The following TMEM132C variants were observed in gnomAD, a reference collection of about 807,000 sequenced individuals.
TMEM132C encodes transmembrane protein 132C, also known as protein phosphatase 1, regulatory subunit 152.
Under a neutral mutation model 61.4 loss-of-function variants are expected in TMEM132C, and 29 were observed. The ratio of observed to expected loss-of-function variants is 0.47; its 90% CI spans 0.35 to 0.64. TMEM132C has a LOEUF of 0.64. Among genes scored for constraint, TMEM132C ranks in the 30% least tolerant of loss-of-function variants. The pLI is 0.00. For synonymous variants in TMEM132C, 656 were observed against 633.1 expected, an observed-to-expected ratio of 1.04 and a Z score of -0.54; for missense variants, 1,408 against 1,476.9, an observed-to-expected ratio of 0.95 and a Z score of 0.76.
chr12:128,697,316 C>T lies in TMEM132C; in HGVS notation c.2022C>T (p.Leu674=), dbSNP rs138689235. Residue 674 remains leucine (L), a synonymous_variant, in exon 8 of 9, where the codon CTC becomes CTT. Transcript: ENST00000435159. ...CGGTGACAGACTTGGCCATCCAGCTCGTGGCTGGGCTGTCTGTCGCCCTTT... is the reference window on the plus strand; with the variant it reads ...CGGTGACAGACTTGGCCATCCAGCTTGTGGCTGGGCTGTCTGTCGCCCTTT... ...KVSVTDLAIQ[L]VAGLSVALYP... The T allele has an allele frequency of 1.8e-5, 28 of 1,551,192 alleles. No individual in the cohort carries two copies. The highest frequency in any genetic ancestry group is 1.8e-4 in the African/African-American group (13 of 73,148).
intron 2 of TMEM132C, among the ~76,000 whole-genome samples, chr12:128,517,782 T>C (rs1214928603): frequency 2.0e-5 from 3 of 152,166 alleles, no homozygotes; most frequent in African/African-American, 7.2e-5. Context: ...GTGAAGGTAG[T>C]TTTATGGAAA....
intron 2 of TMEM132C, among the ~76,000 whole-genome samples, chr12:128,422,645 G>A (rs568410744): frequency 8.5e-5 from 13 of 152,252 alleles, no homozygotes; most frequent in Admixed American, 2.0e-4. Context: ...ATGTCTCAAC[G>A]CAGTGAAGAG....
intron 1 of TMEM132C, among the ~76,000 whole-genome samples, chr12:128,378,933 C>G (rs552200515): frequency 6.8e-4 from 103 of 152,218 alleles, no homozygotes; most frequent in Non-Finnish European, 1.2e-3. Flanking sequence ...GGAGCTTTTC[C>G]CCCTTTTGCT....
In TMEM132C at chr12:128,626,645, G is replaced by A. The variant is rs925401020; in HGVS notation, c.1305+10310G>A. Among the ~76,000 whole-genome samples, 42 of 151,326 alleles carry A rather than the reference G, an allele frequency of 2.8e-4. No individual in the cohort carries two copies. In the South Asian group the frequency reaches 4.4e-3, roughly 16 times the overall value. Reference sequence around the variant, plus strand: ...TTTTTAACAGAGACAAGGTTTCACCGTGTTGGCCAGGCTGGTCTCAGATTC... The same window carrying A: ...TTTTTAACAGAGACAAGGTTTCACCATGTTGGCCAGGCTGGTCTCAGATTC... On this transcript the variant is annotated intron_variant, in intron 4 of 8. Coordinates refer to ENST00000435159, the MANE Select transcript of TMEM132C (RefSeq NM_001136103.3).
At chr12:128,400,976 A>C (rs1875140142) in intron 1 of TMEM132C, among the ~76,000 whole-genome samples, 2 of 152,130 alleles carry the variant, frequency 1.3e-5, no homozygotes, top group South Asian at 4.2e-4. Context: ...CTTGGGAGCA[A>C]AACTGCCTCT....
intron 2 of TMEM132C, among the ~76,000 whole-genome samples, chr12:128,542,999 A>C (rs1873814532): frequency 6.6e-6 from 1 of 152,014 alleles, no homozygotes; most frequent in South Asian, 2.1e-4. Flanking sequence ...AAACGGTATG[A>C]GTAGATGTGT....
chr12:128,491,392 C>G (rs1871713920), intron 2 of TMEM132C, among the ~76,000 whole-genome samples: 1 of 152,180 alleles, frequency 6.6e-6, no homozygotes, highest in African/African-American at 2.4e-5. Context: ...CTGCCTTGGT[C>G]AGCACGGAGC....
chr12:128,339,838 G>A (rs1366326861), intron 1 of TMEM132C, among the ~76,000 whole-genome samples: 1 of 152,102 alleles, frequency 6.6e-6, no homozygotes, highest in Non-Finnish European at 1.5e-5. Context: ...CCACACCTCC[G>A]GGATATCAAC....
chr12:128,472,364 G>C (rs938294134), intron 2 of TMEM132C, among the ~76,000 whole-genome samples: 4 of 152,176 alleles, frequency 2.6e-5, no homozygotes, highest in African/African-American at 9.6e-5. Flanking sequence ...TAGCAGTTCT[G>C]GGTCAGAGAC....
rs1417548606 is a variant in TMEM132C, at chr12:128,415,287, GGAA to G, written c.646_648del (p.Lys216del). The G allele has an allele frequency of 6.9e-6, 11 of 1,598,044 alleles. No individual in the cohort carries two copies. Among genetic ancestry groups the G allele is most frequent in the Non-Finnish European group, 7.7e-6 (9 of 1,172,258 alleles). ...AGTGCCCCGACGGTGGGTGCCGGGA[GGAA>G]GAAGTCCATGGACCAGCCGGAGGGG... On this transcript the variant is annotated inframe_deletion, in exon 2 of 9. Transcript: ENST00000435159. This position sits in a 1 kb window ranked among gnomAD's most constrained non-coding sequence, Gnocchi z 5.8.
chr12:128,373,879 C>A (rs981696550), intron 1 of TMEM132C, among the ~76,000 whole-genome samples: 5 of 152,166 alleles, frequency 3.3e-5, no homozygotes, highest in African/African-American at 1.2e-4. Flanking sequence ...GATGGCCTTG[C>A]GTGCTGCACT....
intron 2 of TMEM132C, among the ~76,000 whole-genome samples, chr12:128,459,229 A>T (rs1255019370): frequency 6.6e-6 from 1 of 152,186 alleles, no homozygotes; most frequent in African/African-American, 2.4e-5. Flanking sequence ...GAATGTAGCC[A>T]TTGAGAGCCC....
intron 4 of TMEM132C, among the ~76,000 whole-genome samples, chr12:128,663,899 T>C (rs62635314): frequency 0.57 from 70,102 of 121,962 alleles, 17,093 homozygotes; most frequent in East Asian, 0.65. Context: ...AGCACCCACA[T>C]GCACGCACAC....
chr12:128,551,826 G>A (rs1442559496), intron 3 of TMEM132C, among the ~76,000 whole-genome samples: 1 of 152,212 alleles, frequency 6.6e-6, no homozygotes, highest in Non-Finnish European at 1.5e-5. Context: ...GGGGAGCAGT[G>A]AAGCGAGCAG....
At position 128,494,199 on chromosome 12, in the gene TMEM132C, C is replaced by T. The variant is rs1593073620; in HGVS notation, c.975-49758C>T. 2.0e-5 allele frequency among the ~76,000 whole-genome samples: 3 copies of T among 152,254 alleles called. No homozygotes were observed. In the South Asian group the frequency reaches 6.2e-4, roughly 32 times the overall value. On this transcript the variant is annotated intron_variant, in intron 2 of 8. Coordinates refer to ENST00000435159, the MANE Select transcript of TMEM132C (RefSeq NM_001136103.3). Reference sequence around the variant, plus strand: ...CCAGCCATGCATCCCAGGGATGAAGCCCACTTGATCATGGTGGATAAGCTT... The same window carrying T: ...CCAGCCATGCATCCCAGGGATGAAGTCCACTTGATCATGGTGGATAAGCTT...
rs141022499 is a variant in TMEM132C at position 128,623,945 on chromosome 12, A to G, written c.1305+7610A>G. Among the ~76,000 whole-genome samples, 1,003 of 152,330 alleles carry G rather than the reference A, an allele frequency of 6.6e-3. 11 individuals are homozygous for G. Among genetic ancestry groups the G allele is most frequent in the African/African-American group, 0.023 (961 of 41,568 alleles). On this transcript the variant is annotated intron_variant, in intron 4 of 8. Coordinates refer to ENST00000435159, the MANE Select transcript of TMEM132C (RefSeq NM_001136103.3). Reference sequence around the variant, plus strand: ...ACAGAAAAATCAGCGGGAATGACTTAGGTCAGCATTTTCTTCTTCCTCACT... The same window carrying G: ...ACAGAAAAATCAGCGGGAATGACTTGGGTCAGCATTTTCTTCTTCCTCACT...
intron 1 of TMEM132C, among the ~76,000 whole-genome samples, chr12:128,368,676 G>A (rs956801132): frequency 3.3e-5 from 5 of 152,190 alleles, no homozygotes; most frequent in African/African-American, 1.2e-4. Flanking sequence ...CCATTGGTTG[G>A]AAAGCATCTT....
chr12:128,521,303 A>T (rs1872894877), intron 2 of TMEM132C, among the ~76,000 whole-genome samples: 1 of 88,630 alleles, frequency 1.1e-5, no homozygotes, highest in African/African-American at 3.6e-5. Context: ...TTCTGTATAT[A>T]TGTGTATATA....
chr12:128,281,233 A>G (rs916424669), intron 1 of TMEM132C, among the ~76,000 whole-genome samples: 3 of 152,208 alleles, frequency 2.0e-5, no homozygotes, highest in African/African-American at 7.2e-5. Context: ...CTTCAATATC[A>G]GAGGCAAAAT....
Sources: gnomAD v4.1 joint callset for allele counts (sites outside exome capture counted in the v4.1 genomes callset) on GRCh38, gnomAD v4.1.1 for gene constraint, Gnocchi (gnomAD v3.1) non-coding constraint, MANE v1.5 for transcripts, NCBI Gene and HGNC (gene_info 2026-07-23, HGNC 2026-07-21) for gene names.